TENM1: variants seen among roughly 807,000 people sequenced by gnomAD.
TENM1 encodes the protein teneurin-1.
In TENM1, 35 loss-of-function variants were observed where a neutral mutation model predicts 174.8. The observed-to-expected ratio is 0.20, with a 90% CI of 0.15 to 0.27. The LOEUF (loss-of-function observed/expected upper bound fraction) is 0.27. Among genes scored for constraint, TENM1 ranks in the 10% least tolerant of loss-of-function variants. The pLI is 1.00. For synonymous variants in TENM1, 781 were observed against 798.7 expected, an observed-to-expected ratio of 0.98 and a Z score of 0.37; for missense variants, 1,633 against 2,130.1, an observed-to-expected ratio of 0.77 and a Z score of 4.59.
chrX:124,510,302 A>G (rs1157185007), intron 18 of TENM1, among the ~76,000 whole-genome samples: 1 of 112,668 alleles, frequency 8.9e-6, no homozygotes, highest in Non-Finnish European at 1.9e-5. Flanking sequence ...ACTATGCTAG[A>G]TAACAGCTAC....
intron 5 of TENM1, among the ~76,000 whole-genome samples, chrX:124,691,109 A>G (rs946923100): frequency 9.0e-6 from 1 of 111,149 alleles, no homozygotes; most frequent in Non-Finnish European, 1.9e-5. Flanking sequence ...CAATATATTT[A>G]CCTGTTTGCT....
chrX:124,603,668 G>A (rs2050083842), intron 11 of TENM1, among the ~76,000 whole-genome samples: 1 of 111,755 alleles, frequency 8.9e-6, no homozygotes, highest in Non-Finnish European at 1.9e-5. Context: ...AATAACTTAT[G>A]TTCTAAATAA....
the TENM1 span, among the ~76,000 whole-genome samples, chrX:125,118,760 A>G: frequency 8.9e-6 from 1 of 112,155 alleles, no homozygotes; most frequent in Non-Finnish European, 1.9e-5. Context: ...GAATAATACT[A>G]TGTGCTGAAA....
intron 5 of TENM1, among the ~76,000 whole-genome samples, chrX:124,674,956 C>G (rs976278106): frequency 3.6e-5 from 4 of 111,499 alleles, no homozygotes; most frequent in Non-Finnish European, 7.6e-5. Context: ...AGTTGAGCCA[C>G]TTTCCTGGCG....
chrX:124,818,267 G>C (rs888975689), intron 3 of TENM1, among the ~76,000 whole-genome samples: 1 of 111,202 alleles, frequency 9.0e-6, no homozygotes, highest in Non-Finnish European at 1.9e-5. Context: ...ACTGTTTTCC[G>C]TAACTGTTGT....
chrX:124,826,359 T>C (rs1048737049), intron 3 of TENM1, among the ~76,000 whole-genome samples: 1 of 108,017 alleles, frequency 9.3e-6, no homozygotes, highest in East Asian at 2.9e-4. Flanking sequence ...TAGTGAGCTG[T>C]GATGGTGCCA....
chrX:124,896,337 G>A (rs976910186), intron 1 of TENM1, 96 bp from the exon 5 acceptor site: 20 of 940,846 alleles, frequency 2.1e-5, no homozygotes, highest in Non-Finnish European at 2.5e-5. Context: ...TCCCCCATTG[G>A]TAGTAATTAC....
the TENM1 span, among the ~76,000 whole-genome samples, chrX:125,050,327 A>G: frequency 9.2e-6 from 1 of 108,513 alleles, no homozygotes; most frequent in African/African-American, 3.4e-5. Flanking sequence ...CCACCCCACA[A>G]CAGGCTCCGG....
intron 23 of TENM1, among the ~76,000 whole-genome samples, chrX:124,443,532 T>A (rs184580028): frequency 8.9e-6 from 1 of 111,981 alleles, no homozygotes; most frequent in African/African-American, 3.2e-5. Context: ...TAGAACTTTT[T>A]TGTGTAATTA....
At chrX:124,607,477 G>C in intron 11 of TENM1, among the ~76,000 whole-genome samples, 1 of 111,079 alleles carries the variant, frequency 9.0e-6, no homozygotes. Flanking sequence ...AAGAAGAAAT[G>C]TTCTAAAACA....
the TENM1 span, among the ~76,000 whole-genome samples, chrX:125,059,927 A>G: frequency 9.1e-6 from 1 of 109,931 alleles, no homozygotes; most frequent in South Asian, 3.9e-4. Context: ...AAGTCAGCAG[A>G]CATGGAGTAA....
intron 23 of TENM1, among the ~76,000 whole-genome samples, chrX:124,440,449 C>A (rs1443171948): frequency 1.8e-5 from 2 of 111,700 alleles, no homozygotes; most frequent in Non-Finnish European, 3.8e-5. Flanking sequence ...ACAATTGGGT[C>A]ATTTATTTAA....
chrX:124,444,049 C>A (rs1483181325), intron 23 of TENM1, among the ~76,000 whole-genome samples: 1 of 112,156 alleles, frequency 8.9e-6, no homozygotes, highest in East Asian at 2.8e-4. Context: ...TGAAGAATCA[C>A]AATGAGTAGG....
chrX:125,147,141 G>GTA, the TENM1 span, among the ~76,000 whole-genome samples: 1 of 97,724 alleles, frequency 1.0e-5, no homozygotes, highest in Non-Finnish European at 2.2e-5. Flanking sequence ...ACATATGTGT[G>GTA]TATATATATC....
At chrX:124,943,635 A>C (rs2058361249) in intron 1 of TENM1, among the ~76,000 whole-genome samples, 1 of 112,145 alleles carries the variant, frequency 8.9e-6, no homozygotes, top group African/African-American at 3.2e-5. Context: ...TAATTGGCTA[A>C]TGTCAACTTT....
chrX:124,464,386 C>G (rs1234501426), intron 22 of TENM1, among the ~76,000 whole-genome samples: 1 of 111,972 alleles, frequency 8.9e-6, no homozygotes, highest in Non-Finnish European at 1.9e-5. Flanking sequence ...CAATAGTGCT[C>G]ACTATTCACA....
At chrX:125,134,223 T>TG in the TENM1 span, among the ~76,000 whole-genome samples, 4 of 112,216 alleles carry the variant, frequency 3.6e-5, no homozygotes, top group Non-Finnish European at 7.5e-5. Context: ...TGCAGCAGCC[T>TG]GCCTCACCTG....
intron 1 of TENM1, among the ~76,000 whole-genome samples, chrX:124,898,540 G>A (rs1023547686): frequency 1.8e-5 from 2 of 109,577 alleles, no homozygotes; most frequent in Non-Finnish European, 3.8e-5. Context: ...CTCATACAAC[G>A]GCATATGAGA....
At chrX:124,489,071 T>A (rs1269075723) in intron 20 of TENM1, among the ~76,000 whole-genome samples, 1 of 112,402 alleles carries the variant, frequency 8.9e-6, no homozygotes, top group African/African-American at 3.2e-5. Flanking sequence ...TCGTTAAGGA[T>A]TTAGGACTGA....
Sources: allele counts gnomAD v4.1 joint callset (sites outside exome capture counted in the v4.1 genomes callset), GRCh38; gene constraint gnomAD v4.1.1; transcripts MANE v1.5; gene names NCBI Gene and HGNC (gene_info 2026-07-23, HGNC 2026-07-21).